IGF2BP2: variants seen among roughly 807,000 people sequenced by gnomAD.
The protein encoded by IGF2BP2 is insulin like growth factor 2 mRNA binding protein 2, also known as insulin-like growth factor 2 mRNA-binding protein 2.
In IGF2BP2, 17 loss-of-function variants were observed where a neutral mutation model predicts 75.8. That is an observed-to-expected ratio of 0.22 (90% CI 0.15 to 0.34). The LOEUF is 0.34. IGF2BP2 is among the 10% of genes least tolerant of loss of function. The pLI, the probability that IGF2BP2 is intolerant of heterozygous loss-of-function variation, is 1.00. For synonymous variants in IGF2BP2, 288 were observed against 295.6 expected (o/e 0.97, Z 0.26); for missense variants, 516 against 772.4 (o/e 0.67, Z 3.93).
Position 185,652,103 on chromosome 3 carries a change from G to A in IGF2BP2, c.1452C>T (p.Ala484=), listed in dbSNP as rs1255548910. Residue 484 remains alanine, a synonymous_variant, in exon 13 of 16, where the codon GCC becomes GCT. Transcript: ENST00000382199. The part of the protein sequence containing the change: ...RMVIITGPPE[A]QFKAQGRIFG... ...GTCCCTTGGCACTAACCTTGAACTG[G>A]GCTTCCGGTGGCCCGGTGATGATGA... The A allele has an allele frequency of 6.2e-7, 1 of 1,612,614 alleles. No individual in the cohort carries two copies. The highest frequency in any genetic ancestry group is 8.5e-7 in the Non-Finnish European group (1 of 1,179,046).
At chr3:185,727,687 T>C (rs1014843853) in intron 2 of IGF2BP2, among the ~76,000 whole-genome samples, 1 of 152,164 alleles carries the variant, frequency 6.6e-6, no homozygotes, top group Admixed American at 6.5e-5. Flanking sequence ...CATGACACTG[T>C]TTGAATATTA....
Position 185,754,366 on chromosome 3 carries a change from TAC to T in IGF2BP2, c.240-56021_240-56020del, listed in dbSNP as rs765579270. Among the ~76,000 whole-genome samples, 3 of 152,254 alleles carry T rather than the reference TAC, an allele frequency of 2.0e-5. No individual in the cohort carries two copies. In the East Asian group the frequency reaches 5.8e-4, roughly 30 times the overall value. On this transcript the variant is annotated intron_variant, in intron 2 of 15. Coordinates refer to ENST00000382199, the MANE Select transcript of IGF2BP2 (RefSeq NM_006548.6). ...GCAGAAGCAAGCACCACGATTTCTG[TAC>T]AGACTGCAAAACTGTGAGCCAATTA...
At chr3:185,738,854 T>C (rs569011390) in intron 2 of IGF2BP2, among the ~76,000 whole-genome samples, 2 of 152,318 alleles carry the variant, frequency 1.3e-5, no homozygotes, top group East Asian at 3.9e-4. Flanking sequence ...ATTGTCAAGC[T>C]TGAAGAGGAC....
At chr3:185,706,856 T>A (rs2149396659) in intron 2 of IGF2BP2, among the ~76,000 whole-genome samples, 1 of 151,562 alleles carries the variant, frequency 6.6e-6, no homozygotes, top group South Asian at 2.1e-4. Context: ...TTCTTCCACC[T>A]CAGCCTCCCG....
At chr3:185,762,253 C>T (rs1732467357) in intron 2 of IGF2BP2, among the ~76,000 whole-genome samples, 1 of 150,510 alleles carries the variant, frequency 6.6e-6, no homozygotes, top group South Asian at 2.1e-4. Context: ...ATTAGCCAGG[C>T]ACGGTGGCTC....
intron 12 of IGF2BP2, among the ~76,000 whole-genome samples, chr3:185,655,988 CAT>C (rs907027914): frequency 1.3e-5 from 2 of 152,280 alleles, no homozygotes; most frequent in African/African-American, 2.4e-5. Context: ...AGCCCTGCCA[CAT>C]GTGTGCCTTG....
At chr3:185,657,141 G>A (rs1227841051) in intron 12 of IGF2BP2, 145 bp downstream of exon 12, 10 of 586,616 alleles carry the variant, frequency 1.7e-5, no homozygotes, top group Admixed American at 2.5e-5. Flanking sequence ...AGAGCGGACG[G>A]GAATAGTCAT....
chr3:185,766,362 G>A (rs966689926), intron 2 of IGF2BP2, among the ~76,000 whole-genome samples: 4 of 151,908 alleles, frequency 2.6e-5, no homozygotes, highest in African/African-American at 9.7e-5. Flanking sequence ...AACAAACTAC[G>A]GTTGATAGGT....
chr3:185,745,381 C>G (rs2149592005), intron 2 of IGF2BP2, among the ~76,000 whole-genome samples: 1 of 152,252 alleles, frequency 6.6e-6, no homozygotes, highest in African/African-American at 2.4e-5. Context: ...AGAGAATAAA[C>G]TTTTCAAAAG....
At chr3:185,824,603 G>T (rs1367650632) in intron 1 of IGF2BP2, among the ~76,000 whole-genome samples, 180 bp downstream of exon 1, 1 of 151,734 alleles carries the variant, frequency 6.6e-6, no homozygotes, top group African/African-American at 2.4e-5. Context: ...TGTGGGGGGA[G>T]GGGAGCGGGC....
intron 2 of IGF2BP2, among the ~76,000 whole-genome samples, chr3:185,816,942 T>C (rs1287953854): frequency 6.6e-6 from 1 of 152,200 alleles, no homozygotes; most frequent in Non-Finnish European, 1.5e-5. Context: ...TTGAGACACA[T>C]TAATTACATG....
At chr3:185,677,041 G>GGA (rs1491186505) in intron 7 of IGF2BP2, among the ~76,000 whole-genome samples, 27 of 11,984 alleles carry the variant, frequency 2.3e-3, no homozygotes, top group Non-Finnish European at 2.9e-3. Context: ...ATATATATAT[G>GGA]GAGATATATA....
At chr3:185,779,491 T>G (rs902084449) in intron 2 of IGF2BP2, among the ~76,000 whole-genome samples, 23 of 152,258 alleles carry the variant, frequency 1.5e-4, no homozygotes, top group African/African-American at 5.1e-4. Context: ...CATGCTTGTG[T>G]CCATGAGTTA....
At position 185,692,824 on chromosome 3, in the gene IGF2BP2, G is replaced by A. The variant is rs185430099; in HGVS notation, c.341-62C>T. ...AAGTGCTGTCACCCTCTGGCTTAATGTAAACAGACAAACTTTAGAGAAAAA... is the reference window on the plus strand; with the variant it reads ...AAGTGCTGTCACCCTCTGGCTTAATATAAACAGACAAACTTTAGAGAAAAA... On this transcript the variant is annotated intron_variant, in intron 4 of 15. Transcript: ENST00000382199. The A allele has an allele frequency of 2.6e-4, 382 of 1,446,058 alleles. 1 individual carries two copies. The East Asian group carries it at 8.1e-3, about 31-fold the overall frequency. The allele number at this position is 1,446,058 out of a possible 1,614,324, so 89.6% of individuals were successfully genotyped here.
At chr3:185,760,601 T>C (rs895027006) in intron 2 of IGF2BP2, among the ~76,000 whole-genome samples, 1 of 152,210 alleles carries the variant, frequency 6.6e-6, no homozygotes, top group Non-Finnish European at 1.5e-5. Flanking sequence ...TTTCTGCCTC[T>C]GTGGATTTTG....
intron 7 of IGF2BP2, among the ~76,000 whole-genome samples, chr3:185,677,060 TATATATATAGAGAGAGAG>T (rs1284023185): frequency 5.7e-5 from 3 of 52,824 alleles, no homozygotes; most frequent in African/African-American, 8.9e-5. Context: ...TATATATATA[TATATATATAGAGAGAGAG>T]AGAGAGAGAG....
At chr3:185,713,126 T>C (rs1725060790) in intron 2 of IGF2BP2, 1 of 294,112 alleles carries the variant, frequency 3.4e-6, no homozygotes, top group Non-Finnish European at 6.7e-6. Context: ...TGTGTGTGTG[T>C]GTGTCTTGGT....
intron 4 of IGF2BP2, chr3:185,696,279 T>C (rs2149350276): frequency 7.6e-6 from 2 of 262,088 alleles, no homozygotes; most frequent in East Asian, 7.7e-5. Flanking sequence ...GAAAGGAAAG[T>C]AGCAACCGTG....
intron 7 of IGF2BP2, among the ~76,000 whole-genome samples, chr3:185,683,784 G>T (rs1254422971): frequency 6.6e-6 from 1 of 152,148 alleles, no homozygotes; most frequent in African/African-American, 2.4e-5. Context: ...ACACAAGGAA[G>T]GGATGCCCTC....
Sources: allele counts gnomAD v4.1 joint callset (sites outside exome capture counted in the v4.1 genomes callset), GRCh38; gene constraint gnomAD v4.1.1; transcripts MANE v1.5; gene names NCBI Gene and HGNC (gene_info 2026-07-23, HGNC 2026-07-21).